Variants in MYO1C observed in about 807,000 individuals in gnomAD.
MYO1C encodes unconventional myosin-Ic.
MYO1C carries 104 observed loss-of-function variants against 150.8 expected under a neutral mutation model. The ratio of observed to expected loss-of-function variants is 0.69; its 90% confidence interval spans 0.59 to 0.81. The LOEUF is 0.81. Ranked by LOEUF, MYO1C falls within the 30% of genes least tolerant of loss-of-function variation. The probability of loss-of-function intolerance (pLI) is 0.00; values close to 1 mark genes in which losing one functional copy is unlikely to be tolerated. For missense variants in MYO1C, 1,504 were observed against 1,435.0 expected, an observed-to-expected ratio of 1.05 and a Z score of -0.78; for synonymous variants, 663 against 579.9, an observed-to-expected ratio of 1.14 and a Z score of -2.06.
chr17:1,470,558 T>C, intron 22 of MYO1C, 39 bp from the exon 23 acceptor site: 1 of 1,567,690 alleles, frequency 6.4e-7, no homozygotes, highest in Non-Finnish European at 8.7e-7. Flanking sequence ...TCTATCTTCT[T>C]ACCATGGTGG....
At chr17:1,467,162 G>T in intron 31 of MYO1C, 80 bp downstream of exon 31, 2 of 1,336,938 alleles carry the variant, frequency 1.5e-6, no homozygotes, top group Non-Finnish European at 2.1e-6. Context: ...ATGGTGAGGT[G>T]CCTGGGCTCT....
At position 1,484,772 on chromosome 17, in the gene MYO1C, C is replaced by A. The variant is rs1025202411; in HGVS notation, c.76-469G>T. On this transcript the variant is annotated intron_variant, in intron 1 of 31. Coordinates refer to ENST00000648651, the MANE Select transcript of MYO1C (RefSeq NM_001080779.2). Reference sequence around the variant, plus strand: ...CTAAAGGAGGAGGAGTTGAGTTAGACCAGGTGACCTCAGGTCCCTCAGCTC... The same window carrying A: ...CTAAAGGAGGAGGAGTTGAGTTAGAACAGGTGACCTCAGGTCCCTCAGCTC... 3.4e-4 allele frequency: 124 copies of A among 367,584 alleles called. No individual in the cohort carries two copies. The Admixed American group carries it at 4.4e-3, about 13-fold the overall frequency. 22.8% of individuals were successfully genotyped at this position (367,584 alleles called of 1,614,324 possible). A position where few individuals can be genotyped will look rare whatever the true frequency, so the allele number is the denominator to read the frequency against.
chr17:1,480,879 G>A lies in MYO1C; in HGVS notation c.634C>T (p.Pro212Ser), dbSNP rs1053469381. Residue 212 changes from proline (P) to serine (S), a missense_variant, in exon 6 of 32, where the codon CCC becomes TCC. By Grantham distance (74) the Pro-to-Ser change is moderately conservative. Coordinates refer to ENST00000648651, the MANE Select transcript of MYO1C (RefSeq NM_001080779.2). ...MDVQFDFKGA[P>S]VGGHILSYLL... ...TAACTGAGGATGTGGCCACCCACGGGGGCACCCTGTGGGCAGGGCAGGGCA... is the reference window on the plus strand; with the variant it reads ...TAACTGAGGATGTGGCCACCCACGGAGGCACCCTGTGGGCAGGGCAGGGCA... 1.9e-6 allele frequency: 3 copies of A among 1,613,894 alleles called. No homozygotes were observed. The highest frequency in any genetic ancestry group is 2.7e-5 in the African/African-American group (2 of 75,000).
chr17:1,478,917 G>C lies in MYO1C; in HGVS notation c.1093-182C>G, dbSNP rs1465706976. ...GGAGGACAGGTGGCCACCCCAGAGG[G>C]AAGGTGGTAGAGGGACAGGAGGCCT... On this transcript the variant is annotated intron_variant, in intron 9 of 31. Transcript: ENST00000648651. This position sits in a 1 kb window ranked among gnomAD's most constrained non-coding sequence, Gnocchi z 6.3. Among the ~76,000 whole-genome samples the C allele has an allele frequency of 6.6e-6, 1 of 152,188 alleles. No individual in the cohort carries two copies. Among genetic ancestry groups the C allele is most frequent in the African/African-American group, 2.4e-5 (1 of 41,454 alleles).
intron 19 of MYO1C, 107 bp downstream of exon 19, chr17:1,471,800 T>A: frequency 8.2e-7 from 1 of 1,218,738 alleles, no homozygotes; most frequent in Non-Finnish European, 1.2e-6. Flanking sequence ...GGCCTCCGCA[T>A]CCGCATTTCT....
intron 1 of MYO1C, 71 bp downstream of exon 1, chr17:1,492,342 G>T: frequency 6.7e-7 from 1 of 1,481,630 alleles, no homozygotes; most frequent in Non-Finnish European, 9.2e-7. Flanking sequence ...CCGAGGGCTC[G>T]CCTGAGAGGG....
At position 1,478,084 on chromosome 17, in the gene MYO1C, C is replaced by G. The variant is rs1339546737; in HGVS notation, c.1401+3G>C. ...CGGAGAGTGCCCCCAGGCTAGCACA[C>G]ACCGCGATGCCCTCTGCCTCGTACT... On this transcript the variant is annotated splice_donor_region_variant and intron_variant, in intron 12 of 31. Coordinates refer to ENST00000648651, the MANE Select transcript of MYO1C (RefSeq NM_001080779.2). This position sits in a 1 kb window ranked among gnomAD's most constrained non-coding sequence, Gnocchi z 6.3. 7.4e-6 allele frequency: 12 copies of G among 1,613,984 alleles called. No homozygotes were observed. The highest frequency in any genetic ancestry group is 1.0e-5 in the Non-Finnish European group (12 of 1,180,036).
chr17:1,484,023 CAA>C (rs1025974666), intron 2 of MYO1C, 123 bp downstream of exon 2: 20 of 1,260,438 alleles, frequency 1.6e-5, no homozygotes, highest in Non-Finnish European at 2.1e-5. Context: ...GCCTGGGCAA[CAA>C]GAGTGAAACT....
chr17:1,471,048 G>A, intron 21 of MYO1C, 23 bp downstream of exon 21: 1 of 1,611,682 alleles, frequency 6.2e-7, no homozygotes, highest in Admixed American at 1.7e-5. Flanking sequence ...CCGTGCAGCA[G>A]GAAGGGTAGG....
rs2074296438 is a variant in MYO1C at position 1,471,246 on chromosome 17, C to T, written c.2112G>A (p.Lys704=). 1 of 1,614,030 alleles carries T rather than the reference C, an allele frequency of 6.2e-7. No homozygotes were observed. The highest frequency in any genetic ancestry group is 1.7e-5 in the Admixed American group (1 of 60,014). ...VAVLVRHLGY[K]PEEYKMGRTK... is the part of the protein sequence containing the mutation. ...ACCTGCCCATCTTGTACTCTTCTGGCTTGTAGCCCAGGTGTCGGACCAGCA... is the reference window on the plus strand; with the variant it reads ...ACCTGCCCATCTTGTACTCTTCTGGTTTGTAGCCCAGGTGTCGGACCAGCA... The change falls in exon 20 of 32, where the codon AAG becomes AAA. Residue 704 remains lysine (K), a synonymous_variant. Coordinates refer to ENST00000648651, the MANE Select transcript of MYO1C (RefSeq NM_001080779.2).
intron 25 of MYO1C, chr17:1,469,128 G>A (rs1178987174): frequency 4.2e-5 from 14 of 336,216 alleles, no homozygotes; most frequent in Middle Eastern, 1.1e-3. Context: ...AGGGTAAATA[G>A]AGCAGACCGG....
intron 1 of MYO1C, chr17:1,484,899 C>G: frequency 2.3e-6 from 1 of 431,062 alleles, no homozygotes; most frequent in Non-Finnish European, 4.6e-6. Context: ...CCCACCTCCA[C>G]CGGTAGAGCG....
intron 1 of MYO1C, among the ~76,000 whole-genome samples, chr17:1,488,983 T>G (rs2074698771): frequency 6.6e-6 from 1 of 152,104 alleles, no homozygotes; most frequent in South Asian, 2.1e-4. Flanking sequence ...AAAGCTCAAA[T>G]GTTCCCCCAG....
At chr17:1,477,799 G>A (rs1178099586) in intron 13 of MYO1C, 92 bp downstream of exon 13, 2 of 1,286,634 alleles carry the variant, frequency 1.6e-6, no homozygotes, top group Non-Finnish European at 1.1e-6. Flanking sequence ...CCAAACTCTG[G>A]CCCTCCGTGG....
At chr17:1,486,981 C>A (rs1372458014) in intron 1 of MYO1C, 1 of 152,342 alleles carries the variant, frequency 6.6e-6, no homozygotes, top group Non-Finnish European at 1.5e-5. Context: ...CGGGCAGGGG[C>A]GGGGACGTCT....
At chr17:1,468,740 T>C in intron 25 of MYO1C, 2 of 568,752 alleles carry the variant, frequency 3.5e-6, no homozygotes, top group Non-Finnish European at 6.3e-6. Context: ...AAACTGGCCT[T>C]GGTAATGCTT....
chr17:1,469,224 G>T lies in MYO1C; in HGVS notation c.2610+307C>A, dbSNP rs1178898749. 16 of 424,188 alleles carry T rather than the reference G, an allele frequency of 3.8e-5. No individual in the cohort carries two copies. The Admixed American group carries it at 4.9e-4, about 13-fold the overall frequency. 26.3% of individuals were successfully genotyped at this position (424,188 alleles called of 1,614,324 possible). Reference sequence around the variant, plus strand: ...AATATGGTAGGCAGGGCAAAATACGGTAGACCGGGGTCAATACTATAGACG... The same window carrying T: ...AATATGGTAGGCAGGGCAAAATACGTTAGACCGGGGTCAATACTATAGACG... On this transcript the variant is annotated intron_variant, in intron 25 of 31. Coordinates refer to ENST00000648651, the MANE Select transcript of MYO1C (RefSeq NM_001080779.2).
At position 1,492,648 on chromosome 17, in the gene MYO1C, G is replaced by C; in HGVS notation, c.-161C>G. 1.4e-6 allele frequency: 1 copy of C among 700,360 alleles called. No individual in the cohort carries two copies. The highest frequency in any genetic ancestry group is 2.5e-6 in the Non-Finnish European group (1 of 397,674). 43.4% of individuals were successfully genotyped at this position (700,360 alleles called of 1,614,324 possible). ...ACTGCAGCCCCAGGGGATGTGGCTGGTCCAGCTCCTCAGGACACGGCTGGA... is the reference window on the plus strand; with the variant it reads ...ACTGCAGCCCCAGGGGATGTGGCTGCTCCAGCTCCTCAGGACACGGCTGGA... On this transcript the variant is annotated 5_prime_UTR_variant, in exon 1 of 32. Transcript: ENST00000648651.
intron 19 of MYO1C, 42 bp downstream of exon 19, chr17:1,471,865 T>C: frequency 6.3e-7 from 1 of 1,593,442 alleles, no homozygotes; most frequent in Non-Finnish European, 8.6e-7. Flanking sequence ...GCTCCTACCC[T>C]CCCGCTCCCC....
Sources: allele counts gnomAD v4.1 joint callset (sites outside exome capture counted in the v4.1 genomes callset), GRCh38; gene constraint gnomAD v4.1.1; non-coding constraint Gnocchi (gnomAD v3.1); transcripts MANE v1.5; gene names NCBI Gene and HGNC (gene_info 2026-07-23, HGNC 2026-07-21).